The following SLC39A11 variants were observed in gnomAD, a reference collection of about 807,000 sequenced individuals.
The protein encoded by SLC39A11 is zinc transporter ZIP11.
Under a neutral mutation model 36.1 loss-of-function variants are expected in SLC39A11, and 33 were observed. The ratio of observed to expected loss-of-function variants is 0.91; its 90% CI spans 0.69 to 1.22. The LOEUF (loss-of-function observed/expected upper bound fraction) is 1.22. Among genes scored for constraint, SLC39A11 ranks in the 50% most tolerant of loss-of-function variants. SLC39A11 has a pLI of 0.00. For synonymous variants in SLC39A11, 166 were observed against 170.3 expected (o/e 0.97, Z 0.20); for missense variants, 432 against 430.3 (o/e 1.00, Z -0.03).
intron 6 of SLC39A11, among the ~76,000 whole-genome samples, chr17:72,800,061 C>A (rs147496049): frequency 0.038 from 5,796 of 152,004 alleles, 172 homozygotes; most frequent in African/African-American, 0.082. Flanking sequence ...AGCCGGCCGA[C>A]ACTTATGGAA....
chr17:72,873,071 A>G (rs553175981), intron 5 of SLC39A11, among the ~76,000 whole-genome samples: 10 of 138,034 alleles, frequency 7.2e-5, no homozygotes, highest in African/African-American at 3.1e-4. Context: ...AAAAAAAAAG[A>G]AAAAAAAAAA....
intron 7 of SLC39A11, among the ~76,000 whole-genome samples, chr17:72,708,320 A>T (rs1012970234): frequency 1.4e-4 from 21 of 152,200 alleles, no homozygotes; most frequent in Non-Finnish European, 8.8e-5. Context: ...TAGAACAAAA[A>T]GACTGATCCA....
chr17:72,779,940 C>T (rs1382905086), intron 6 of SLC39A11, among the ~76,000 whole-genome samples: 1 of 152,138 alleles, frequency 6.6e-6, no homozygotes, highest in Non-Finnish European at 1.5e-5. Context: ...CTGTAATCCA[C>T]ACCCCCTTCT....
intron 6 of SLC39A11, among the ~76,000 whole-genome samples, chr17:72,754,157 C>T (rs1235025835): frequency 1.3e-5 from 2 of 150,584 alleles, no homozygotes; most frequent in African/African-American, 2.4e-5. Context: ...AACCTGGTTG[C>T]GATTGGAGAC....
At chr17:72,977,140 C>CA (rs1003843350) in intron 4 of SLC39A11, among the ~76,000 whole-genome samples, 166 of 152,266 alleles carry the variant, frequency 1.1e-3, no homozygotes, top group African/African-American at 3.8e-3. Flanking sequence ...AAAGGGAAGT[C>CA]AGAGAGATTC....
At chr17:72,806,325 T>C (rs1178877394) in intron 6 of SLC39A11, among the ~76,000 whole-genome samples, 2 of 152,096 alleles carry the variant, frequency 1.3e-5, no homozygotes, top group Admixed American at 6.5e-5. Flanking sequence ...AAATTCTAGG[T>C]TTAATATTAT....
chr17:72,864,884 T>C (rs980220282), intron 5 of SLC39A11, among the ~76,000 whole-genome samples: 2 of 152,182 alleles, frequency 1.3e-5, no homozygotes, highest in Admixed American at 1.3e-4. Flanking sequence ...AGAAAGGCTG[T>C]TCCCTGGCCG....
intron 5 of SLC39A11, among the ~76,000 whole-genome samples, chr17:72,915,111 C>T (rs2083258749): frequency 6.6e-6 from 1 of 152,056 alleles, no homozygotes; most frequent in East Asian, 1.9e-4. Flanking sequence ...GTTGTCATAC[C>T]CACCCCACGT....
intron 5 of SLC39A11, among the ~76,000 whole-genome samples, chr17:72,928,985 G>A (rs756981102): frequency 6.7e-4 from 102 of 152,322 alleles, no homozygotes; most frequent in Admixed American, 2.0e-3. Context: ...CTTTGCTGGG[G>A]AAAGGGTCTC....
chr17:72,867,587 A>C lies in SLC39A11; in HGVS notation c.431-17783T>G, dbSNP rs143556459. On this transcript the variant is annotated intron_variant, in intron 5 of 9. Transcript: ENST00000255559. Reference sequence around the variant, plus strand: ...CAAATTAATAAAGCGTAAGGGGGATAAAAAGAGGAAAATAAAAATCAATCA... The same window carrying C: ...CAAATTAATAAAGCGTAAGGGGGATCAAAAGAGGAAAATAAAAATCAATCA... Among the ~76,000 whole-genome samples the C allele has an allele frequency of 7.3e-3, 1,113 of 152,300 alleles. 13 individuals are homozygous for C. Among genetic ancestry groups the C allele is most frequent in the African/African-American group, 0.025 (1,049 of 41,558 alleles).
intron 6 of SLC39A11, among the ~76,000 whole-genome samples, chr17:72,789,882 C>T (rs2076643345): frequency 6.6e-6 from 1 of 152,168 alleles, no homozygotes; most frequent in African/African-American, 2.4e-5. Context: ...CCAATTTCAC[C>T]TTCCATGTCT....
chr17:73,073,654 A>G (rs754501524), intron 3 of SLC39A11: 1 of 152,232 alleles, frequency 6.6e-6, no homozygotes, highest in Non-Finnish European at 1.5e-5. Context: ...CAAATTTAAG[A>G]GAGGAGCTTC....
At chr17:72,918,439 C>T (rs1332567035) in intron 5 of SLC39A11, among the ~76,000 whole-genome samples, 1 of 152,092 alleles carries the variant, frequency 6.6e-6, no homozygotes, top group Non-Finnish European at 1.5e-5. Flanking sequence ...GAGCACTGAA[C>T]TGGATGATGA....
intron 5 of SLC39A11, among the ~76,000 whole-genome samples, chr17:72,941,363 C>T (rs1003867558): frequency 1.3e-5 from 2 of 152,160 alleles, no homozygotes; most frequent in Admixed American, 1.3e-4. Context: ...ACCAATCTTG[C>T]CAACTATTAG....
chr17:72,976,970 G>A (rs935325592), intron 4 of SLC39A11, among the ~76,000 whole-genome samples: 8 of 152,306 alleles, frequency 5.3e-5, no homozygotes, highest in African/African-American at 1.7e-4. Context: ...CCCCAAAGAT[G>A]TTTTGCCCTT....
intron 7 of SLC39A11, among the ~76,000 whole-genome samples, chr17:72,709,383 T>A (rs1039125188): frequency 6.6e-6 from 1 of 152,176 alleles, no homozygotes; most frequent in African/African-American, 2.4e-5. Flanking sequence ...CAAGTGCATG[T>A]CCCCATGCCT....
At chr17:72,684,839 T>C (rs1196407162) in intron 7 of SLC39A11, among the ~76,000 whole-genome samples, 1 of 152,188 alleles carries the variant, frequency 6.6e-6, no homozygotes, top group Non-Finnish European at 1.5e-5. Flanking sequence ...GTTGGTGCTC[T>C]GTGTGGGTGC....
At chr17:72,809,298 T>G (rs2077363991) in intron 6 of SLC39A11, among the ~76,000 whole-genome samples, 1 of 152,070 alleles carries the variant, frequency 6.6e-6, no homozygotes, top group South Asian at 2.1e-4. Flanking sequence ...TTGGTTCATT[T>G]ATCTGGATAA....
intron 3 of SLC39A11, among the ~76,000 whole-genome samples, chr17:73,082,344 T>C (rs2060570287): frequency 6.6e-6 from 1 of 152,032 alleles, no homozygotes; most frequent in African/African-American, 2.4e-5. Flanking sequence ...AAAATGTTAT[T>C]TGAAATGTAT....
Sources: gnomAD v4.1 joint callset for allele counts (sites outside exome capture counted in the v4.1 genomes callset) on GRCh38, gnomAD v4.1.1 for gene constraint, MANE v1.5 for transcripts, NCBI Gene and HGNC (gene_info 2026-07-23, HGNC 2026-07-21) for gene names.